Variants in ENPP3 observed in about 807,000 individuals in gnomAD.
The protein encoded by ENPP3 is ectonucleotide pyrophosphatase/phosphodiesterase family member 3.
Under a neutral mutation model 117.8 loss-of-function variants are expected in ENPP3, and 104 were observed. That is an observed-to-expected ratio of 0.88 (90% CI 0.75 to 1.04). ENPP3 has a LOEUF of 1.04. Ranked by LOEUF, ENPP3 falls within the 50% of genes least tolerant of loss-of-function variation. The probability of loss-of-function intolerance (pLI) is 0.00; values close to 1 mark genes in which losing one functional copy is unlikely to be tolerated. For synonymous variants in ENPP3, 380 were observed against 349.9 expected, an observed-to-expected ratio of 1.09 and a Z score of -0.96; for missense variants, 1,026 against 1,051.9, an observed-to-expected ratio of 0.98 and a Z score of 0.34.
intron 6 of ENPP3, among the ~76,000 whole-genome samples, chr6:131,667,509 T>C (rs1220517660): frequency 6.6e-6 from 1 of 152,210 alleles, no homozygotes; most frequent in Non-Finnish European, 1.5e-5. Context: ...TTGGGTCTCA[T>C]CTCTTCTAAC....
chr6:131,723,975 C>A, intron 18 of ENPP3, 65 bp from the exon 19 acceptor site: 1 of 1,133,370 alleles, frequency 8.8e-7, no homozygotes, highest in Non-Finnish European at 1.3e-6. Context: ...CTTGATTACC[C>A]CTTAAAACAC....
rs1779332408 is a variant in ENPP3, at chr6:131,693,409, G to A, written c.1285-88G>A. The stretch of plus-strand genomic sequence containing the variant: ...GCTGAAATCCCCTTACTTTTAAAAG[G>A]TGCTTCATAAATTGATGTAGAAGAT... On this transcript the variant is annotated intron_variant, in intron 14 of 24. Transcript: ENST00000357639. 7 of 1,185,930 alleles carry A rather than the reference G, an allele frequency of 5.9e-6. No homozygotes were observed. In the African/African-American group the frequency reaches 6.2e-5, roughly 10 times the overall value. 73.5% of individuals were successfully genotyped at this position (1,185,930 alleles called of 1,614,324 possible). A position where few individuals can be genotyped will look rare whatever the true frequency, so the allele number is the denominator to read the frequency against.
intron 10 of ENPP3, 149 bp from the exon 11 acceptor site, chr6:131,677,719 G>A (rs957293813): frequency 5.8e-5 from 33 of 566,938 alleles, no homozygotes; most frequent in African/African-American, 2.8e-4. Flanking sequence ...CTGGAGCCAA[G>A]TAGAACTACT....
intron 2 of ENPP3, among the ~76,000 whole-genome samples, chr6:131,642,119 T>C (rs1261704174): frequency 2.6e-5 from 4 of 152,066 alleles, no homozygotes; most frequent in Admixed American, 1.3e-4. Flanking sequence ...TAATGGACTT[T>C]GGTAAGTGGA....
intron 6 of ENPP3, among the ~76,000 whole-genome samples, chr6:131,669,713 C>T (rs1455668668): frequency 7.0e-6 from 1 of 142,458 alleles, no homozygotes; most frequent in Non-Finnish European, 1.5e-5. Context: ...TTTTTTTGAA[C>T]TCCCTTTCCT....
chr6:131,746,902 C>T lies in ENPP3; in HGVS notation c.2574C>T (p.Val858=), dbSNP rs1780648069. 6.2e-7 allele frequency: 1 copy of T among 1,611,386 alleles called. No individual in the cohort carries two copies. Among genetic ancestry groups the T allele is most frequent in the Non-Finnish European group, 8.5e-7 (1 of 1,178,670 alleles). Residue 858 remains valine, a synonymous_variant, in exon 25 of 25, where the codon GTC becomes GTT. Coordinates refer to ENST00000357639, the MANE Select transcript of ENPP3 (RefSeq NM_005021.5). ...TCTATCAGGATAAAGTGCAGCCTGT[C>T]TCTGAAATTTTGCAACTAAAGACAT... ...LDFYQDKVQP[V]SEILQLKTYL...
intron 15 of ENPP3, among the ~76,000 whole-genome samples, chr6:131,695,940 A>C (rs1453331747): frequency 1.3e-5 from 2 of 150,944 alleles, no homozygotes; most frequent in Non-Finnish European, 3.0e-5. Flanking sequence ...ATCTAATCTG[A>C]TTAAATCCTG....
chr6:131,736,685 TAAC>T (rs138303954), intron 21 of ENPP3, among the ~76,000 whole-genome samples: 2,122 of 152,278 alleles, frequency 0.014, 53 homozygotes, highest in African/African-American at 0.048. Context: ...CTATCTATAA[TAAC>T]ATTATTATTT....
chr6:131,652,407 T>C, intron 3 of ENPP3, 135 bp from the exon 4 acceptor site: 1 of 914,412 alleles, frequency 1.1e-6, no homozygotes, highest in Non-Finnish European at 1.6e-6. Context: ...CATTTGGTAT[T>C]ATGTATTTTC....
At chr6:131,679,931 C>T (rs757937632) in intron 11 of ENPP3, among the ~76,000 whole-genome samples, 1 of 152,182 alleles carries the variant, frequency 6.6e-6, no homozygotes, top group Non-Finnish European at 1.5e-5. Context: ...CATTGTGTAA[C>T]AGGGAAGAGG....
chr6:131,689,316 A>G (rs1779227581), intron 14 of ENPP3, among the ~76,000 whole-genome samples: 1 of 152,206 alleles, frequency 6.6e-6, no homozygotes, highest in Non-Finnish European at 1.5e-5. Flanking sequence ...TCAAAACTTC[A>G]AAGGACAGGC....
At chr6:131,697,060 C>T (rs1312743488) in intron 15 of ENPP3, among the ~76,000 whole-genome samples, 1 of 152,156 alleles carries the variant, frequency 6.6e-6, no homozygotes, top group Non-Finnish European at 1.5e-5. Context: ...AGCCACCGTG[C>T]CGGCCTGAGC....
At chr6:131,665,707 T>C (rs1166001735) in intron 6 of ENPP3, among the ~76,000 whole-genome samples, 1 of 152,108 alleles carries the variant, frequency 6.6e-6, no homozygotes, top group Non-Finnish European at 1.5e-5. Flanking sequence ...TTTATTCTAT[T>C]GTTTCTCCAT....
At chr6:131,639,263 A>ATTT (rs71030752) in intron 1 of ENPP3, among the ~76,000 whole-genome samples, 939 of 91,160 alleles carry the variant, frequency 0.01, 5 homozygotes, top group African/African-American at 0.049. Flanking sequence ...ATATATATAT[A>ATTT]TATTTTTTTT....
At chr6:131,730,566 A>G (rs1780254723) in intron 20 of ENPP3, among the ~76,000 whole-genome samples, 1 of 152,170 alleles carries the variant, frequency 6.6e-6, no homozygotes, top group South Asian at 2.1e-4. Context: ...CTCTGCCTAT[A>G]CACTTAATTG....
chr6:131,639,690 G>C (rs563131144), intron 1 of ENPP3, among the ~76,000 whole-genome samples: 3 of 152,156 alleles, frequency 2.0e-5, no homozygotes, highest in Non-Finnish European at 2.9e-5. Flanking sequence ...GCCAAATGAT[G>C]TGCTCTCAGC....
At position 131,693,642 on chromosome 6, in the gene ENPP3, C is replaced by T. The variant is rs749113228; in HGVS notation, c.1412+18C>T. ...GCTGTTAGGTTCGTGTATCTGTTTA[C>T]TTATCTCATAATGCCTTTAATAACC... On this transcript the variant is annotated intron_variant, in intron 15 of 24. Coordinates refer to ENST00000357639, the MANE Select transcript of ENPP3 (RefSeq NM_005021.5). 1.2e-6 allele frequency: 2 copies of T among 1,610,314 alleles called. No homozygotes were observed. Among genetic ancestry groups the T allele is most frequent in the East Asian group, 4.5e-5 (2 of 44,800 alleles).
rs555760573 is a variant in ENPP3, at chr6:131,747,102, C to T, written c.*146C>T. On this transcript the variant is annotated 3_prime_UTR_variant, in exon 25 of 25. Transcript: ENST00000357639. ...GCCATAATTTTTATTATTCCTTTTT[C>T]TCTTTTTTCAATTCTATGAATATGT... The T allele has an allele frequency of 2.4e-4, 115 of 475,024 alleles. 1 individual carries two copies. Among genetic ancestry groups the T allele is most frequent in the African/African-American group, 2.0e-3 (101 of 49,570 alleles). 29.4% of individuals were successfully genotyped at this position (475,024 alleles called of 1,614,324 possible). A position where few individuals can be genotyped will look rare whatever the true frequency, so the allele number is the denominator to read the frequency against.
intron 6 of ENPP3, among the ~76,000 whole-genome samples, chr6:131,669,212 T>G (rs1778686588): frequency 6.6e-6 from 1 of 152,234 alleles, no homozygotes; most frequent in Non-Finnish European, 1.5e-5. Context: ...ATATGACTTC[T>G]TAACAATATT....
Sources: allele counts gnomAD v4.1 joint callset (sites outside exome capture counted in the v4.1 genomes callset), GRCh38; gene constraint gnomAD v4.1.1; transcripts MANE v1.5; gene names NCBI Gene and HGNC (gene_info 2026-07-23, HGNC 2026-07-21).